The following FBXL18 variants were observed in gnomAD, a reference collection of about 807,000 sequenced individuals.
The protein encoded by FBXL18 is F-box/LRR-repeat protein 18.
FBXL18 carries 36 observed loss-of-function variants against 46.0 expected under a neutral mutation model. The observed-to-expected ratio is 0.78, with a 90% CI of 0.60 to 1.03. The LOEUF (loss-of-function observed/expected upper bound fraction) is 1.03. Among genes scored for constraint, FBXL18 ranks in the 50% least tolerant of loss-of-function variants. The pLI, the probability that FBXL18 is intolerant of heterozygous loss-of-function variation, is 0.00. For synonymous variants in FBXL18, 557 were observed against 465.3 expected, an observed-to-expected ratio of 1.20 and a Z score of -2.54; for missense variants, 977 against 1,004.1, an observed-to-expected ratio of 0.97 and a Z score of 0.36.
At chr7:5,464,729 A>T (rs1319867553) in intron 4 of FBXL18, among the ~76,000 whole-genome samples, 1 of 140,418 alleles carries the variant, frequency 7.1e-6, no homozygotes, top group Non-Finnish European at 1.5e-5. Context: ...GGGTGGGAGC[A>T]TGGAACATAT....
chr7:5,458,230 T>C (rs1783197994), intron 4 of FBXL18, among the ~76,000 whole-genome samples: 1 of 152,112 alleles, frequency 6.6e-6, no homozygotes, highest in Non-Finnish European at 1.5e-5. Flanking sequence ...GGGTCCACAC[T>C]GTCCGTCAAT....
chr7:5,511,783 G>A (rs1423119822), intron 1 of FBXL18, among the ~76,000 whole-genome samples: 2 of 145,756 alleles, frequency 1.4e-5, no homozygotes, highest in African/African-American at 5.0e-5. Context: ...AAAAAAAAAG[G>A]ATCTGAAATC....
At chr7:5,510,174 C>A in intron 1 of FBXL18, among the ~76,000 whole-genome samples, 1 of 150,978 alleles carries the variant, frequency 6.6e-6, no homozygotes, top group Non-Finnish European at 1.5e-5. Context: ...TGGTGGCAGG[C>A]GCCTGTAATG....
At chr7:5,458,824 G>A (rs1009830107) in intron 4 of FBXL18, among the ~76,000 whole-genome samples, 6 of 152,130 alleles carry the variant, frequency 3.9e-5, no homozygotes, top group Admixed American at 1.3e-4. Context: ...AAATGTCAAC[G>A]CTGGCTGCTG....
At chr7:5,484,061 G>A (rs927039812) in intron 4 of FBXL18, among the ~76,000 whole-genome samples, 3 of 152,148 alleles carry the variant, frequency 2.0e-5, no homozygotes, top group Non-Finnish European at 4.4e-5. Flanking sequence ...GTCCATGACC[G>A]TGAACACCAC....
At chr7:5,509,939 C>T (rs1405614632) in intron 1 of FBXL18, among the ~76,000 whole-genome samples, 1 of 151,918 alleles carries the variant, frequency 6.6e-6, no homozygotes, top group East Asian at 1.9e-4. Context: ...ACTTAGCTTC[C>T]GGAGACAACT....
intron 4 of FBXL18, among the ~76,000 whole-genome samples, chr7:5,459,057 G>A (rs976211238): frequency 6.6e-6 from 1 of 152,172 alleles, no homozygotes; most frequent in East Asian, 1.9e-4. Context: ...GGAAGCTGAG[G>A]GTAGAGGACT....
At chr7:5,469,704 G>A (rs1370397487) in intron 4 of FBXL18, among the ~76,000 whole-genome samples, 8 of 152,036 alleles carry the variant, frequency 5.3e-5, no homozygotes, top group African/African-American at 1.9e-4. Flanking sequence ...AGCATGGGGT[G>A]TCCGTGTAAG....
chr7:5,459,542 C>G (rs997693236), intron 4 of FBXL18, among the ~76,000 whole-genome samples: 1 of 152,040 alleles, frequency 6.6e-6, no homozygotes, highest in African/African-American at 2.4e-5. Context: ...AGATCAAGAC[C>G]ATCCTGGCTA....
In FBXL18 at chr7:5,491,668, G is replaced by C. The variant is rs1302298367; in HGVS notation, c.1782-219C>G. On this transcript the variant is annotated intron_variant, in intron 3 of 4. Coordinates refer to ENST00000382368, the MANE Select transcript of FBXL18 (RefSeq NM_024963.6). ...ATCTGATTTGGAGGCGACCCGGTGG[G>C]CCTGATGCAAGCAGCCAGCCAGTGT... Among the ~76,000 whole-genome samples the C allele has an allele frequency of 2.0e-5, 3 of 152,266 alleles. No homozygotes were observed. In the East Asian group the frequency reaches 5.8e-4, roughly 29 times the overall value.
downstream of FBXL18, among the ~76,000 whole-genome samples, chr7:5,472,592 G>A (rs1326169641): frequency 1.3e-5 from 2 of 152,014 alleles, no homozygotes; most frequent in Non-Finnish European, 2.9e-5. Flanking sequence ...CACATGGAGA[G>A]GTCTCATGGA....
At chr7:5,463,736 T>TA (rs1783297569) in intron 4 of FBXL18, among the ~76,000 whole-genome samples, 2 of 14,918 alleles carry the variant, frequency 1.3e-4, no homozygotes, top group African/African-American at 2.0e-4. Context: ...TTATTTTTTT[T>TA]TTTTTTTTTT....
intron 3 of FBXL18, among the ~76,000 whole-genome samples, chr7:5,500,139 C>G (rs1584232647): frequency 1.3e-5 from 2 of 151,902 alleles, no homozygotes. Context: ...TCAGAAAGGC[C>G]TGGGTTCGAA....
Position 5,499,557 on chromosome 7 carries a change from C to T in FBXL18, c.1781+931G>A, listed in dbSNP as rs1213588101. On this transcript the variant is annotated intron_variant, in intron 3 of 4. Coordinates refer to ENST00000382368, the MANE Select transcript of FBXL18 (RefSeq NM_024963.6). Reference sequence around the variant, plus strand: ...CAGCCTGGCCAATACTGCAAAACCCCGTCTCTACTAAAAATACAAAAAAAT... The same window carrying T: ...CAGCCTGGCCAATACTGCAAAACCCTGTCTCTACTAAAAATACAAAAAAAT... Among the ~76,000 whole-genome samples the T allele has an allele frequency of 4.0e-5, 6 of 151,840 alleles. No homozygotes were observed. The South Asian group carries it at 6.2e-4, about 16-fold the overall frequency.
At chr7:5,475,769 T>A (rs1783499036), downstream of FBXL18, 1 of 152,220 alleles carries the variant, frequency 6.6e-6, no homozygotes, top group African/African-American at 2.4e-5. This position sits in a 1 kb window ranked among gnomAD's most constrained non-coding sequence, Gnocchi z 4.2. Context: ...GGTCAAAGTA[T>A]CCGTGCTGGA....
chr7:5,473,865 G>A (rs370008330), downstream of FBXL18, among the ~76,000 whole-genome samples: 1 of 151,872 alleles, frequency 6.6e-6, no homozygotes, highest in Admixed American at 6.6e-5. Context: ...TGCGGCCTTG[G>A]CTCACTGCAG....
chr7:5,506,553 CTT>C (rs111764029), intron 1 of FBXL18, among the ~76,000 whole-genome samples: 1 of 138,888 alleles, frequency 7.2e-6, no homozygotes. Context: ...CCATGCCCGG[CTT>C]TTTTTTTTTT....
Position 5,481,668 on chromosome 7 carries a change from C to T in FBXL18, c.*107G>A, listed in dbSNP as rs767571434. The T allele has an allele frequency of 8.0e-6, 10 of 1,250,084 alleles. No homozygotes were observed. Among genetic ancestry groups the T allele is most frequent in the Non-Finnish European group, 1.1e-5 (10 of 884,142 alleles). The allele number at this position is 1,250,084 out of a possible 1,614,324, so 77.4% of individuals were successfully genotyped here. On this transcript the variant is annotated 3_prime_UTR_variant, in exon 5 of 5. Transcript: ENST00000382368. Reference sequence around the variant, plus strand: ...CAGGAGCCAGGTGGGGCGTGGCTGGCCGGGAGAGAGGCCCCCTTCCTCTTG... The same window carrying T: ...CAGGAGCCAGGTGGGGCGTGGCTGGTCGGGAGAGAGGCCCCCTTCCTCTTG...
At position 5,510,592 on chromosome 7, in the gene FBXL18, G is replaced by A. The variant is rs1784507101; in HGVS notation, c.18+3065C>T. On this transcript the variant is annotated intron_variant, in intron 1 of 4. Transcript: ENST00000382368. The stretch of plus-strand genomic sequence containing the variant: ...TCCCAGCTATTCAAGAGGCAGAAGT[G>A]GGAGGATCACCTGAACCCGGGAAGT... Among the ~76,000 whole-genome samples the A allele has an allele frequency of 2.7e-5, 4 of 150,732 alleles. No homozygotes were observed. In the Admixed American group the frequency reaches 2.7e-4, roughly 10 times the overall value.
Sources: allele counts gnomAD v4.1 joint callset (sites outside exome capture counted in the v4.1 genomes callset), GRCh38; gene constraint gnomAD v4.1.1; non-coding constraint Gnocchi (gnomAD v3.1); transcripts MANE v1.5; gene names NCBI Gene and HGNC (gene_info 2026-07-23, HGNC 2026-07-21).